RPS6KA2: variants seen among roughly 807,000 people sequenced by gnomAD.
The protein encoded by RPS6KA2 is ribosomal protein S6 kinase alpha-2.
A neutral mutation model predicts 91.8 loss-of-function variants in RPS6KA2; 42 were observed. That is an observed-to-expected ratio of 0.46 (90% confidence interval 0.36 to 0.59). The LOEUF is 0.59. Ranked by LOEUF, RPS6KA2 falls within the 20% of genes least tolerant of loss-of-function variation. The pLI is 0.00. For synonymous variants in RPS6KA2, 414 were observed against 393.6 expected, an observed-to-expected ratio of 1.05 and a Z score of -0.61; for missense variants, 798 against 978.5, an observed-to-expected ratio of 0.82 and a Z score of 2.46.
At chr6:166,544,751 A>T (rs188185964) in intron 1 of RPS6KA2, 86 of 152,208 alleles carry the variant, frequency 5.7e-4, no homozygotes, top group African/African-American at 2.0e-3. Context: ...CCCTTTCTGC[A>T]TCTCCGCAAA....
rs903132094 is a variant in RPS6KA2 at position 166,726,051 on chromosome 6, G to T, written c.123+132149C>A. 3.9e-5 allele frequency among the ~76,000 whole-genome samples: 6 copies of T among 152,182 alleles called. No individual in the cohort carries two copies. Among genetic ancestry groups the T allele is most frequent in the Non-Finnish European group, 8.8e-5 (6 of 68,038 alleles). ...GGCCAAGAGTAAGATGTAAGAATGT[G>T]CTGTGAACCTTTATGATTCTGTGAA... is the stretch of plus-strand genomic sequence containing the variant. On this transcript the variant is annotated intron_variant, in intron 2 of 21. Transcript: ENST00000503859. The surrounding 1 kb of genome is among the most constrained non-coding windows in gnomAD (Gnocchi z 4.4).
chr6:166,790,327 G>T (rs555745879), intron 2 of RPS6KA2, among the ~76,000 whole-genome samples: 4 of 152,200 alleles, frequency 2.6e-5, no homozygotes, highest in African/African-American at 7.2e-5. Flanking sequence ...AGTATAAAAA[G>T]AAATGAACAA....
chr6:166,817,724 CTTTTTT>C (rs1350262632), intron 2 of RPS6KA2, among the ~76,000 whole-genome samples: 1 of 91,470 alleles, frequency 1.1e-5, no homozygotes, highest in African/African-American at 3.3e-5. Flanking sequence ...TTCTTTTTTT[CTTTTTT>C]TTTTTTGTTT....
intron 2 of RPS6KA2, among the ~76,000 whole-genome samples, chr6:166,795,436 C>T (rs1162299040): frequency 1.3e-5 from 2 of 152,336 alleles, no homozygotes; most frequent in East Asian, 1.9e-4. Context: ...GTCAGGTGAA[C>T]ATTGACCATG....
intron 2 of RPS6KA2, among the ~76,000 whole-genome samples, chr6:166,780,763 A>G (rs1326905861): frequency 6.6e-6 from 1 of 152,228 alleles, no homozygotes; most frequent in African/African-American, 2.4e-5. Flanking sequence ...TGTAGAAAAT[A>G]CATAATTGTC....
chr6:166,646,268 G>A (rs957378787), intron 2 of RPS6KA2, among the ~76,000 whole-genome samples: 4 of 152,222 alleles, frequency 2.6e-5, no homozygotes, highest in African/African-American at 9.6e-5. Flanking sequence ...CCTGGCTGCA[G>A]AACAGAAGCG....
At chr6:166,836,650 C>T (rs1299317463) in intron 2 of RPS6KA2, among the ~76,000 whole-genome samples, 1 of 152,198 alleles carries the variant, frequency 6.6e-6, no homozygotes. Context: ...ACTGTCCACT[C>T]TTTCTGGTAG....
chr6:166,565,662 A>G (rs890749625), intron 1 of RPS6KA2, among the ~76,000 whole-genome samples: 2 of 152,160 alleles, frequency 1.3e-5, no homozygotes, highest in African/African-American at 4.8e-5. Context: ...TCGGTCTTGG[A>G]CACCGGGGGC....
upstream of RPS6KA2, among the ~76,000 whole-genome samples, chr6:166,631,420 C>A (rs1582965658): frequency 6.6e-6 from 1 of 152,212 alleles, no homozygotes; most frequent in Non-Finnish European, 1.5e-5. Context: ...GAGCCCTCAT[C>A]CCCCATCCAA....
At chr6:166,478,298 C>G (rs1038050501) in intron 10 of RPS6KA2, among the ~76,000 whole-genome samples, 2 of 152,188 alleles carry the variant, frequency 1.3e-5, no homozygotes, top group African/African-American at 4.8e-5. Context: ...AATGACAAGG[C>G]AGAGACTACA....
At chr6:166,746,782 A>T (rs1016622234) in intron 2 of RPS6KA2, among the ~76,000 whole-genome samples, 2 of 152,080 alleles carry the variant, frequency 1.3e-5, no homozygotes, top group Admixed American at 1.3e-4. Flanking sequence ...GGTTCCTTCA[A>T]CTAAATAGGG....
At chr6:166,676,919 C>G (rs1033216131) in intron 2 of RPS6KA2, among the ~76,000 whole-genome samples, 3 of 152,188 alleles carry the variant, frequency 2.0e-5, no homozygotes, top group African/African-American at 7.2e-5. Flanking sequence ...ATTGGAGAAA[C>G]TGGAACTGAG....
At chr6:166,609,725 C>T (rs1200826885) in intron 1 of RPS6KA2, among the ~76,000 whole-genome samples, 2 of 152,164 alleles carry the variant, frequency 1.3e-5, no homozygotes, top group Non-Finnish European at 2.9e-5. Flanking sequence ...GTCTCGAACT[C>T]CTGACCTCAG....
chr6:166,624,822 A>G (rs190924424), intron 1 of RPS6KA2, among the ~76,000 whole-genome samples: 1 of 152,148 alleles, frequency 6.6e-6, no homozygotes, highest in East Asian at 1.9e-4. Context: ...TAAAAAAGAG[A>G]GCATTGTATT....
At chr6:166,458,350 C>A (rs1016553429) in intron 12 of RPS6KA2, among the ~76,000 whole-genome samples, 1 of 152,186 alleles carries the variant, frequency 6.6e-6, no homozygotes, top group African/African-American at 2.4e-5. Context: ...TTTCCCTGCA[C>A]AAGCTCTCTC....
At chr6:166,731,605 G>A (rs567133890) in intron 2 of RPS6KA2, among the ~76,000 whole-genome samples, 4 of 152,146 alleles carry the variant, frequency 2.6e-5, no homozygotes, top group Non-Finnish European at 5.9e-5. Context: ...AGACAAAGCA[G>A]GACAGAGCAC....
intron 2 of RPS6KA2, among the ~76,000 whole-genome samples, chr6:166,761,479 T>A (rs923174927): frequency 6.6e-6 from 1 of 152,266 alleles, no homozygotes; most frequent in Non-Finnish European, 1.5e-5. Context: ...GTGTATTGGC[T>A]ATGGCTTTAA....
At chr6:166,713,291 C>A (rs892048900) in intron 2 of RPS6KA2, among the ~76,000 whole-genome samples, 1 of 152,142 alleles carries the variant, frequency 6.6e-6, no homozygotes, top group African/African-American at 2.4e-5. Context: ...GTTTTCACAC[C>A]GGAGGAGGTG....
intron 2 of RPS6KA2, among the ~76,000 whole-genome samples, chr6:166,659,158 T>C: frequency 7.4e-6 from 1 of 135,500 alleles, no homozygotes; most frequent in African/African-American, 2.8e-5. Context: ...CTAATGAGCA[T>C]GAAGAAAATG....
Sources: allele counts gnomAD v4.1 joint callset (sites outside exome capture counted in the v4.1 genomes callset), GRCh38; gene constraint gnomAD v4.1.1; non-coding constraint Gnocchi (gnomAD v3.1); transcripts MANE v1.5; gene names NCBI Gene and HGNC (gene_info 2026-07-23, HGNC 2026-07-21).